The following FOXJ3 variants were observed in gnomAD, a reference collection of about 807,000 sequenced individuals.
FOXJ3 encodes forkhead box J3.
Under a neutral mutation model 76.1 loss-of-function variants are expected in FOXJ3, and 22 were observed. The observed-to-expected ratio is 0.29, with a 90% confidence interval of 0.21 to 0.41. The LOEUF (loss-of-function observed/expected upper bound fraction) is 0.41, where lower values mean the gene tolerates loss of function less well. FOXJ3 is among the 10% of genes least tolerant of loss of function. The pLI is 1.00. For synonymous variants in FOXJ3, 269 were observed against 261.2 expected (o/e 1.03, Z -0.29); for missense variants, 613 against 762.1 (o/e 0.80, Z 2.30).
At position 42,258,690 on chromosome 1, in the gene FOXJ3, T is replaced by C. The variant is rs191121185; in HGVS notation, c.444+6425A>G. On this transcript the variant is annotated intron_variant, in intron 4 of 12. Transcript: ENST00000361346. ...TGGATTAAAATATGTAATTGGCATATTGACTGTGGTATAGTAAACAATTCC... is the reference window on the plus strand; with the variant it reads ...TGGATTAAAATATGTAATTGGCATACTGACTGTGGTATAGTAAACAATTCC... 2.8e-4 allele frequency among the ~76,000 whole-genome samples: 42 copies of C among 152,334 alleles called. 1 individual carries two copies. The highest frequency in any genetic ancestry group is 4.6e-4 in the Admixed American group (7 of 15,304).
chr1:42,205,038 CT>C (rs1028397574), intron 6 of FOXJ3, among the ~76,000 whole-genome samples: 5 of 152,040 alleles, frequency 3.3e-5, no homozygotes, highest in African/African-American at 1.2e-4. Context: ...GAAAACAAGA[CT>C]GAAAGAGAAT....
intron 6 of FOXJ3, among the ~76,000 whole-genome samples, chr1:42,204,046 G>A (rs1163102598): frequency 1.3e-5 from 2 of 150,622 alleles, no homozygotes; most frequent in South Asian, 2.1e-4. Flanking sequence ...TCAGGATCTC[G>A]GCTCTGCAAC....
chr1:42,256,563 G>GT (rs1650604070), intron 4 of FOXJ3, among the ~76,000 whole-genome samples: 1 of 152,292 alleles, frequency 6.6e-6, no homozygotes, highest in South Asian at 2.1e-4. Flanking sequence ...AATGGCTACA[G>GT]TTAAAAAGAC....
At chr1:42,255,715 G>A (rs894458037) in intron 4 of FOXJ3, among the ~76,000 whole-genome samples, 1 of 152,186 alleles carries the variant, frequency 6.6e-6, no homozygotes, top group African/African-American at 2.4e-5. Context: ...TAGGCTTCAG[G>A]ACAAAGAGCA....
At chr1:42,294,782 G>C (rs944763326) in intron 2 of FOXJ3, among the ~76,000 whole-genome samples, 1 of 86,250 alleles carries the variant, frequency 1.2e-5, no homozygotes, top group African/African-American at 4.0e-5. Flanking sequence ...AAAAAAAGAC[G>C]CCATGAACTT....
rs139234360 is a variant in FOXJ3 at position 42,205,113 on chromosome 1, G to A, written c.630+649C>T. Among the ~76,000 whole-genome samples, 834 of 152,260 alleles carry A rather than the reference G, an allele frequency of 5.5e-3. 5 individuals carry two copies. The highest frequency in any genetic ancestry group is 8.5e-3 in the South Asian group (41 of 4,820). On this transcript the variant is annotated intron_variant, in intron 6 of 12. Coordinates refer to ENST00000361346, the MANE Select transcript of FOXJ3 (RefSeq NM_014947.5). ...TCATGGTCTAGTAGGGAAGAAAACAGATGAACAAAACTGGATTCATGAACC... is the reference window on the plus strand; with the variant it reads ...TCATGGTCTAGTAGGGAAGAAAACAAATGAACAAAACTGGATTCATGAACC...
At chr1:42,319,000 G>A (rs1655279286) in intron 1 of FOXJ3, among the ~76,000 whole-genome samples, 1 of 152,174 alleles carries the variant, frequency 6.6e-6, no homozygotes, top group African/African-American at 2.4e-5. Context: ...GGAGGCTGAG[G>A]CAGGCAGATG....
chr1:42,216,467 G>A (rs1022580744), intron 5 of FOXJ3, among the ~76,000 whole-genome samples: 5 of 150,964 alleles, frequency 3.3e-5, no homozygotes, highest in African/African-American at 9.8e-5. Flanking sequence ...GCAGTGAGCC[G>A]AGATCGCGCC....
At chr1:42,225,343 T>TA (rs1332546919) in intron 5 of FOXJ3, among the ~76,000 whole-genome samples, 2 of 152,106 alleles carry the variant, frequency 1.3e-5, no homozygotes, top group Non-Finnish European at 2.9e-5. Context: ...TTTTCTTAGA[T>TA]AAAACCCAAT....
rs1182954634 is a variant in FOXJ3 at position 42,302,372 on chromosome 1, C to T, written c.44+8678G>A. 3.3e-5 allele frequency among the ~76,000 whole-genome samples: 5 copies of T among 152,248 alleles called. No individual in the cohort carries two copies. In the East Asian group the frequency reaches 9.6e-4, roughly 29 times the overall value. On this transcript the variant is annotated intron_variant, in intron 2 of 12. Transcript: ENST00000361346. ...CTCTCTGTTGCCTCAAGCAATGGGG[C>T]TGATCTGCAGAATGCACAGGTGTCT...
intron 5 of FOXJ3, among the ~76,000 whole-genome samples, chr1:42,206,930 A>T (rs1646872370): frequency 6.6e-6 from 1 of 151,994 alleles, no homozygotes; most frequent in South Asian, 2.1e-4. Context: ...TCCCATGCTC[A>T]AGCGATTCTC....
intron 3 of FOXJ3, among the ~76,000 whole-genome samples, chr1:42,274,584 AC>A (rs1382542056): frequency 2.0e-5 from 3 of 152,064 alleles, no homozygotes; most frequent in African/African-American, 4.8e-5. Flanking sequence ...CAGTTTTTTC[AC>A]CTTTAAAATT....
chr1:42,212,254 T>A (rs183663403), intron 5 of FOXJ3, among the ~76,000 whole-genome samples: 112 of 152,162 alleles, frequency 7.4e-4, no homozygotes, highest in African/African-American at 2.5e-3. Flanking sequence ...ATTTCAATAA[T>A]AACATAATTC....
At chr1:42,315,791 A>G (rs529507398) in intron 1 of FOXJ3, among the ~76,000 whole-genome samples, 1 of 152,356 alleles carries the variant, frequency 6.6e-6, no homozygotes, top group East Asian at 1.9e-4. Context: ...TTGAACAACT[A>G]TATTAACTCA....
At chr1:42,207,219 C>A (rs1250515871) in intron 5 of FOXJ3, among the ~76,000 whole-genome samples, 1 of 152,190 alleles carries the variant, frequency 6.6e-6, no homozygotes, top group Non-Finnish European at 1.5e-5. Context: ...CTGATAATCA[C>A]CAATCTACTT....
At chr1:42,183,500 T>C (rs1358983384) in intron 11 of FOXJ3, among the ~76,000 whole-genome samples, 1 of 151,686 alleles carries the variant, frequency 6.6e-6, no homozygotes, top group East Asian at 1.9e-4. Context: ...TACATCACAA[T>C]GCAAAAGAGA....
At chr1:42,288,525 A>C (rs953516338) in intron 2 of FOXJ3, among the ~76,000 whole-genome samples, 13 of 152,198 alleles carry the variant, frequency 8.5e-5, no homozygotes, top group African/African-American at 2.9e-4. Context: ...CACGGTGGAA[A>C]GTGATCCTGT....
chr1:42,179,659 T>C lies in FOXJ3; in HGVS notation c.*51A>G, dbSNP rs1285868745. The C allele has an allele frequency of 2.7e-6, 3 of 1,115,632 alleles. No homozygotes were observed. Among genetic ancestry groups the C allele is most frequent in the East Asian group, 4.7e-5 (2 of 42,394 alleles). 69.1% of individuals were successfully genotyped at this position (1,115,632 alleles called of 1,614,324 possible). A position where few individuals can be genotyped will look rare whatever the true frequency, so the allele number is the denominator to read the frequency against. On this transcript the variant is annotated 3_prime_UTR_variant, in exon 13 of 13. Transcript: ENST00000361346. Reference sequence around the variant, plus strand: ...ACTGGATTCTCTTAAACCTTTCCCTTCACTGCACAGAAAGGTAACGTTAGG... The same window carrying C: ...ACTGGATTCTCTTAAACCTTTCCCTCCACTGCACAGAAAGGTAACGTTAGG...
chr1:42,209,423 A>G (rs1316859538), intron 5 of FOXJ3, among the ~76,000 whole-genome samples: 1 of 152,228 alleles, frequency 6.6e-6, no homozygotes, highest in Non-Finnish European at 1.5e-5. Flanking sequence ...AACTTAACAG[A>G]AAAACTGAAA....
Sources: gnomAD v4.1 joint callset for allele counts (sites outside exome capture counted in the v4.1 genomes callset) on GRCh38, gnomAD v4.1.1 for gene constraint, MANE v1.5 for transcripts, NCBI Gene and HGNC (gene_info 2026-07-23, HGNC 2026-07-21) for gene names.